Variants in ADCYAP1 observed in about 807,000 individuals in gnomAD.
The protein encoded by ADCYAP1 is adenylate cyclase activating polypeptide 1.
Under a neutral mutation model 18.5 loss-of-function variants are expected in ADCYAP1, and 6 were observed. The ratio of observed to expected loss-of-function variants is 0.32; its 90% CI spans 0.18 to 0.64. The LOEUF is 0.64. Ranked by LOEUF, ADCYAP1 falls within the 30% of genes least tolerant of loss-of-function variation. The pLI is 0.77. For missense variants in ADCYAP1, 314 were observed against 253.6 expected (o/e 1.24, Z -1.62); for synonymous variants, 136 against 113.9 (o/e 1.19, Z -1.24).
At chr18:908,474 CT>C (rs1909267319) in intron 4 of ADCYAP1, 111 bp downstream of exon 4, 1 of 845,044 alleles carries the variant, frequency 1.2e-6, no homozygotes, top group Non-Finnish European at 1.8e-6. Flanking sequence ...GTCTGCGCCC[CT>C]GGGTCTGGGG....
intron 4 of ADCYAP1, among the ~76,000 whole-genome samples, chr18:908,654 C>T (rs79488997): frequency 0.012 from 1,760 of 152,256 alleles, 25 homozygotes; most frequent in Non-Finnish European, 0.014. Context: ...AACCTTCAGG[C>T]TTCCAGGGAG....
intron 1 of ADCYAP1, 136 bp downstream of exon 1, chr18:905,196 A>G: frequency 7.7e-6 from 11 of 1,425,358 alleles, no homozygotes; most frequent in South Asian, 3.0e-5. Context: ...ATGCATATAT[A>G]TATATTTTTT....
In ADCYAP1 at chr18:910,138, T is replaced by G. The variant is rs887395090; in HGVS notation, c.*503T>G. 5 of 152,518 alleles carry G rather than the reference T, an allele frequency of 3.3e-5. No homozygotes were observed. The highest frequency in any genetic ancestry group is 4.8e-5 in the African/African-American group (2 of 41,406). The allele number at this position is 152,518 out of a possible 1,614,324, so 9.4% of individuals were successfully genotyped here. ...ACAATGATGCCCTGCTCCAGGGAGA[T>G]TTTGAGGTAAAGATATGGAGAATTG... On this transcript the variant is annotated 3_prime_UTR_variant, in exon 5 of 5. Transcript: ENST00000450565.
In ADCYAP1 at chr18:907,926, C is replaced by T. The variant is rs1909240089; in HGVS notation, c.242+136C>T. The T allele has an allele frequency of 4.5e-6, 6 of 1,348,212 alleles. No individual in the cohort carries two copies. The South Asian group carries it at 1.0e-4, about 23-fold the overall frequency. The allele number at this position is 1,348,212 out of a possible 1,614,324, so 83.5% of individuals were successfully genotyped here. A position where few individuals can be genotyped will look rare whatever the true frequency, so the allele number is the denominator to read the frequency against. ...TCCTCAAGCCTGTCCTCTCCCTGGC[C>T]CGATCCTATTGCAGCGACAGAAAAT... is the stretch of plus-strand genomic sequence containing the variant. On this transcript the variant is annotated intron_variant, in intron 3 of 4. Transcript: ENST00000450565.
chr18:907,445 G>T (rs1401523194), intron 2 of ADCYAP1: 1 of 485,668 alleles, frequency 2.1e-6, no homozygotes, highest in East Asian at 3.7e-5. Context: ...CCGCGAAGGG[G>T]GGGTGGGCGG....
chr18:909,309 C>A, intron 4 of ADCYAP1, 137 bp from the exon 5 acceptor site: 1 of 791,364 alleles, frequency 1.3e-6, no homozygotes, highest in Non-Finnish European at 1.9e-6. Flanking sequence ...CAGGCAGAGG[C>A]GGGCGACGCG....
At chr18:904,525 T>C, upstream of ADCYAP1, 2 of 1,289,184 alleles carry the variant, frequency 1.6e-6, no homozygotes, top group African/African-American at 1.5e-5. Context: ...AGAAGGCCGG[T>C]CACCTCTGTA....
At position 912,091 on chromosome 18, in the gene ADCYAP1, A is replaced by G. The variant is rs1009523008; in HGVS notation, c.*2456A>G. The G allele has an allele frequency of 2.0e-5, 3 of 152,254 alleles. No homozygotes were observed. The highest frequency in any genetic ancestry group is 2.0e-4 in the Admixed American group (3 of 15,292). The allele number at this position is 152,254 out of a possible 1,614,324, so 9.4% of individuals were successfully genotyped here. ...ACCTTAACCAAGTATTATTACACAC[A>G]TGATATCTATAACTAGGACTTTGAT... On this transcript the variant is annotated 3_prime_UTR_variant, in exon 5 of 5. Transcript: ENST00000450565.
In ADCYAP1 at chr18:905,379, T is replaced by A; in HGVS notation, c.-1-7T>A. The stretch of plus-strand genomic sequence containing the variant: ...CAGCTGTGTGTCCTCTTTCCCATCC[T>A]GCGCAGAATGACCATGTGTAGCGGA... On this transcript the variant is annotated splice_region_variant and splice_polypyrimidine_tract_variant and intron_variant, in intron 1 of 4. Coordinates refer to ENST00000450565, the MANE Select transcript of ADCYAP1 (RefSeq NM_001099733.2). 6.2e-6 allele frequency: 10 copies of A among 1,612,850 alleles called. No homozygotes were observed. The highest frequency in any genetic ancestry group is 8.5e-6 in the Non-Finnish European group (10 of 1,179,972).
At chr18:904,830 C>G, upstream of ADCYAP1, 1 of 1,286,246 alleles carries the variant, frequency 7.8e-7, no homozygotes, top group South Asian at 1.2e-5. Flanking sequence ...CTCTCCGTGT[C>G]ACGCTCCCTC....
chr18:907,754 G>C lies in ADCYAP1; in HGVS notation c.206G>C (p.Arg69Pro), dbSNP rs937692277. Residue 69 changes from arginine to proline, a missense_variant, in exon 3 of 5, where the codon CGC becomes CCC. Arg to Pro is a moderately radical substitution (Grantham distance 103). Transcript: ENST00000450565. ...PGAGSPASAPRAAAAWYRPAG... is the reference protein window; with the variant it reads ...PGAGSPASAPPAAAAWYRPAG... ...GCAGGGAGCCCCGCCTCCGCGCCGC[G>C]CGCCGCCGCCGCCTGGTACCGCCCG... The C allele has an allele frequency of 2.0e-6, 3 of 1,504,230 alleles. No homozygotes were observed. Among genetic ancestry groups the C allele is most frequent in the Non-Finnish European group, 2.6e-6 (3 of 1,134,098 alleles). 93.2% of individuals were successfully genotyped at this position (1,504,230 alleles called of 1,614,324 possible).
At chr18:904,442 G>T (rs1415539870), upstream of ADCYAP1, 1 of 1,288,566 alleles carries the variant, frequency 7.8e-7, no homozygotes, top group Non-Finnish European at 1.0e-6. Context: ...CAGGCAGGCA[G>T]ATGTTGACAA....
At position 907,740 on chromosome 18, in the gene ADCYAP1, C is replaced by A. The variant is rs766699933; in HGVS notation, c.192C>A (p.Pro64=). Residue 64 remains proline (P), a synonymous_variant, in exon 3 of 5, where the codon CCC becomes CCA. Coordinates refer to ENST00000450565, the MANE Select transcript of ADCYAP1 (RefSeq NM_001099733.2). ...CGGAGCCGCCGGGCGCAGGGAGCCC[C>A]GCCTCCGCGCCGCGCGCCGCCGCCG... ...DGSEPPGAGS[P]ASAPRAAAAW... The A allele has an allele frequency of 5.9e-6, 9 of 1,513,020 alleles. No homozygotes were observed. Among genetic ancestry groups the A allele is most frequent in the Middle Eastern group, 3.9e-4 (2 of 5,124 alleles). 93.7% of individuals were successfully genotyped at this position (1,513,020 alleles called of 1,614,324 possible). A position where few individuals can be genotyped will look rare whatever the true frequency, so the allele number is the denominator to read the frequency against.
At chr18:904,696 A>T (rs1401329416), upstream of ADCYAP1, 20 of 1,216,542 alleles carry the variant, frequency 1.6e-5, no homozygotes, top group Non-Finnish European at 2.1e-5. Context: ...TTCTTTTCTG[A>T]CTTTCCCTCT....
At position 908,323 on chromosome 18, in the gene ADCYAP1, G is replaced by T. The variant is rs911133758; in HGVS notation, c.301G>T (p.Ala101Ser). The change falls in exon 4 of 5, where the codon GCC (alanine) becomes TCC (serine). Residue 101 changes from alanine (A) to serine (S), a missense_variant. Ala to Ser is a moderately conservative substitution (Grantham distance 99). Transcript: ENST00000450565. ...AYRKVLDQLSAGKHLQSLVAR... is the reference protein window; with the variant it reads ...AYRKVLDQLSSGKHLQSLVAR... ...CCGCAAAGTGCTGGACCAGCTGTCC[G>T]CCGGGAAGCACCTGCAGTCGCTCGT... The T allele has an allele frequency of 2.5e-6, 4 of 1,613,410 alleles. No individual in the cohort carries two copies. Among genetic ancestry groups the T allele is most frequent in the Non-Finnish European group, 2.5e-6 (3 of 1,179,790 alleles).
At chr18:906,138 C>A (rs963090030) in intron 2 of ADCYAP1, 5 of 152,382 alleles carry the variant, frequency 3.3e-5, no homozygotes, top group African/African-American at 7.3e-5. Context: ...GACGAGACTG[C>A]GAAGGAGGGG....
Position 908,470 on chromosome 18 carries a change from G to A in ADCYAP1, c.341+107G>A, listed in dbSNP as rs2231186. On this transcript the variant is annotated intron_variant, in intron 4 of 4. Coordinates refer to ENST00000450565, the MANE Select transcript of ADCYAP1 (RefSeq NM_001099733.2). ...CCCGTGGGGGCCAGGGTGAGTCTGC[G>A]CCCCTGGGTCTGGGGTGGGCATCCG... 8.9e-4 allele frequency: 789 copies of A among 886,884 alleles called. 3 individuals carry two copies. In the African/African-American group the frequency reaches 0.012, roughly 14 times the overall value. The allele number at this position is 886,884 out of a possible 1,614,324, so 54.9% of individuals were successfully genotyped here.
At chr18:906,855 C>G (rs757925749) in intron 2 of ADCYAP1, among the ~76,000 whole-genome samples, 19 of 152,250 alleles carry the variant, frequency 1.2e-4, no homozygotes, top group Non-Finnish European at 2.2e-4. Flanking sequence ...CTCGGTCCCC[C>G]TCCTCGTGCT....
intron 2 of ADCYAP1, 55 bp from the exon 3 acceptor site, chr18:907,604 C>T: frequency 1.3e-6 from 2 of 1,536,396 alleles, no homozygotes; most frequent in Non-Finnish European, 1.7e-6. Context: ...GGATCCTCGC[C>T]GAGCTGGGGA....
Sources: gnomAD v4.1 joint callset for allele counts (sites outside exome capture counted in the v4.1 genomes callset) on GRCh38, gnomAD v4.1.1 for gene constraint, MANE v1.5 for transcripts, NCBI Gene and HGNC (gene_info 2026-07-23, HGNC 2026-07-21) for gene names.